Variants in UHRF2 observed in about 807,000 individuals in gnomAD.
UHRF2 encodes the protein ubiquitin like with PHD and ring finger domains 2.
In UHRF2, 23 loss-of-function variants were observed where a neutral mutation model predicts 96.8. The observed-to-expected ratio is 0.24, with a 90% CI of 0.17 to 0.34. UHRF2 has a LOEUF of 0.34. Ranked by LOEUF, UHRF2 falls within the 10% of genes least tolerant of loss-of-function variation. The probability of loss-of-function intolerance (pLI) is 1.00; values close to 1 mark genes in which losing one functional copy is unlikely to be tolerated. For missense variants in UHRF2, 685 were observed against 981.5 expected (o/e 0.70, Z 4.04); for synonymous variants, 385 against 332.6 (o/e 1.16, Z -1.72).
intron 9 of UHRF2, among the ~76,000 whole-genome samples, chr9:6,488,078 C>CA (rs970033501): frequency 3.3e-4 from 49 of 150,174 alleles, no homozygotes; most frequent in African/African-American, 9.8e-4. Context: ...CTGTCCCTAC[C>CA]AAAAAAACAG....
chr9:6,439,569 C>T (rs777081316), intron 3 of UHRF2, among the ~76,000 whole-genome samples: 10 of 152,204 alleles, frequency 6.6e-5, no homozygotes, highest in Admixed American at 3.9e-4. Flanking sequence ...ACATCATGTA[C>T]AAAGTAGATA....
rs552067988 is a variant in UHRF2, at chr9:6,428,098, G to A, written c.385-5816G>A. Among the ~76,000 whole-genome samples the A allele has an allele frequency of 5.9e-5, 9 of 152,308 alleles. No homozygotes were observed. The South Asian group carries it at 1.9e-3, about 32-fold the overall frequency. On this transcript the variant is annotated intron_variant, in intron 2 of 15. Coordinates refer to ENST00000276893, the MANE Select transcript of UHRF2 (RefSeq NM_152896.3). ...CCTTTACAGTTTAGCTGAGCATGTG[G>A]CACTGTTAAACTTCTTACATGTTTT...
intron 8 of UHRF2, among the ~76,000 whole-genome samples, chr9:6,485,576 T>C (rs956470726): frequency 6.9e-6 from 1 of 144,542 alleles, no homozygotes; most frequent in African/African-American, 2.9e-5. Flanking sequence ...CACCTTCTTG[T>C]TGGCTTCTAA....
chr9:6,490,588 A>T (rs1399284808), intron 9 of UHRF2, among the ~76,000 whole-genome samples: 2 of 152,258 alleles, frequency 1.3e-5, no homozygotes, highest in African/African-American at 4.8e-5. Flanking sequence ...AGATCACATC[A>T]CTGTACTCCA....
intron 3 of UHRF2, among the ~76,000 whole-genome samples, chr9:6,446,008 T>G (rs1323667283): frequency 2.4e-5 from 3 of 126,998 alleles, no homozygotes; most frequent in Non-Finnish European, 5.2e-5. Context: ...TTTCCTGTTT[T>G]TGAGATAGAG....
At chr9:6,415,859 A>G (rs1359982558) in intron 1 of UHRF2, among the ~76,000 whole-genome samples, 3 of 152,174 alleles carry the variant, frequency 2.0e-5, no homozygotes, top group African/African-American at 7.2e-5. Context: ...ATGAATGTTG[A>G]TAGATAGTCT....
chr9:6,422,064 G>T (rs1819961704), intron 2 of UHRF2, among the ~76,000 whole-genome samples: 2 of 152,042 alleles, frequency 1.3e-5, no homozygotes. Context: ...TGAACCTTCT[G>T]TTAACCTGGT....
intron 6 of UHRF2, among the ~76,000 whole-genome samples, chr9:6,480,803 C>G (rs748536233): frequency 6.6e-6 from 1 of 152,158 alleles, no homozygotes; most frequent in Non-Finnish European, 1.5e-5. Context: ...TGCTCAAGAT[C>G]AGGGACTGAA....
Position 6,447,703 on chromosome 9 carries a change from C to T in UHRF2, c.645-12870C>T, listed in dbSNP as rs561066072. Among the ~76,000 whole-genome samples, 53 of 152,126 alleles carry T rather than the reference C, an allele frequency of 3.5e-4. 1 individual carries two copies. In the East Asian group the frequency reaches 7.5e-3, roughly 22 times the overall value. ...GTAAAATAATAAATCCATAAACCCC[C>T]GAGGACAAAAAAAGGCACAGAAATC... On this transcript the variant is annotated intron_variant, in intron 3 of 15. Transcript: ENST00000276893.
chr9:6,437,535 AT>A (rs1820923893), intron 3 of UHRF2, among the ~76,000 whole-genome samples: 1 of 152,110 alleles, frequency 6.6e-6, no homozygotes, highest in Non-Finnish European at 1.5e-5. Flanking sequence ...ACCTGGCCAG[AT>A]TTTTTTATTG....
At chr9:6,485,803 CAAAAAAAAAAAAAA>C (rs57868028) in intron 8 of UHRF2, among the ~76,000 whole-genome samples, 1 of 59,224 alleles carries the variant, frequency 1.7e-5, no homozygotes, top group Non-Finnish European at 3.3e-5. Context: ...TGTCTCTACC[CAAAAAAAAAAAAAA>C]AAAAAAAAAA....
At chr9:6,446,402 C>G (rs964138625) in intron 3 of UHRF2, among the ~76,000 whole-genome samples, 6 of 151,920 alleles carry the variant, frequency 3.9e-5, no homozygotes, top group African/African-American at 1.5e-4. Flanking sequence ...CTCAGCCTCC[C>G]AAAGTGCTGG....
At chr9:6,441,469 G>T (rs1434211035) in intron 3 of UHRF2, among the ~76,000 whole-genome samples, 1 of 151,998 alleles carries the variant, frequency 6.6e-6, no homozygotes, top group East Asian at 1.9e-4. Context: ...ATCAGTCCTG[G>T]AGTTGGCTGA....
intron 9 of UHRF2, among the ~76,000 whole-genome samples, chr9:6,487,171 A>ATTTTTTATTTTTTATTTTTTATTTT (rs1824337943): frequency 2.4e-5 from 2 of 83,832 alleles, no homozygotes; most frequent in African/African-American, 9.5e-5. Flanking sequence ...TAGAGCTTTT[A>ATTTTTTATTTTTTATTTTTTATTTT]TTTTTTTTTC....
At position 6,499,920 on chromosome 9, in the gene UHRF2, C is replaced by A. The variant is rs1275662083; in HGVS notation, c.1994C>A (p.Pro665Gln). ...KKQPSGTTKRPISDDDCPSAS... is the reference protein window; with the variant it reads ...KKQPSGTTKRQISDDDCPSAS... ...CAGCCCAGTGGAACCACAAAAAGGC[C>A]AATTTCAGATGGTAGGTAATGATTG... is the stretch of plus-strand genomic sequence containing the variant. Residue 665 changes from proline to glutamine, a missense_variant, in exon 13 of 16, where the codon CCA becomes CAA. Pro to Gln is a moderately conservative substitution (Grantham distance 76). Transcript: ENST00000276893. 5 of 1,609,800 alleles carry A rather than the reference C, an allele frequency of 3.1e-6. No individual in the cohort carries two copies. Among genetic ancestry groups the A allele is most frequent in the Non-Finnish European group, 4.2e-6 (5 of 1,177,186 alleles).
chr9:6,506,309 A>C lies in UHRF2; in HGVS notation c.*130A>C, dbSNP rs545824934. The stretch of plus-strand genomic sequence containing the variant: ...TGAAGCAGCTAATCCTCTTTCCCAC[A>C]TAGCCATCATCTTGTGTGTGTAGTA... On this transcript the variant is annotated 3_prime_UTR_variant, in exon 16 of 16. Transcript: ENST00000276893. The C allele has an allele frequency of 9.8e-5, 117 of 1,197,604 alleles. No homozygotes were observed. Among genetic ancestry groups the C allele is most frequent in the Non-Finnish European group, 1.1e-4 (99 of 865,906 alleles). 74.2% of individuals were successfully genotyped at this position (1,197,604 alleles called of 1,614,324 possible).
chr9:6,424,908 A>G (rs1820157962), intron 2 of UHRF2, among the ~76,000 whole-genome samples: 1 of 152,000 alleles, frequency 6.6e-6, no homozygotes, highest in African/African-American at 2.4e-5. Context: ...GGAAGACCGC[A>G]GAGGTATTTT....
rs781717816 is a variant in UHRF2 at position 6,477,689 on chromosome 9, T to C, written c.1041T>C (p.Cys347=). The C allele has an allele frequency of 2.2e-5, 36 of 1,614,078 alleles. No homozygotes were observed. The highest frequency in any genetic ancestry group is 3.0e-5 in the Non-Finnish European group (35 of 1,180,022). The change falls in exon 6 of 16, where the codon TGT becomes TGC. Residue 347 remains cysteine, a synonymous_variant. Coordinates refer to ENST00000276893, the MANE Select transcript of UHRF2 (RefSeq NM_152896.3). The part of the protein sequence containing the change: ...DPEKKCHSCS[C]RVCGGKHEPN... ...AAAAGAAATGTCATTCTTGCTCCTG[T>C]CGTGTATGTGGTGGGAAACATGAAC...
chr9:6,421,605 CAG>C (rs1294481182), intron 2 of UHRF2, among the ~76,000 whole-genome samples: 1 of 152,022 alleles, frequency 6.6e-6, no homozygotes, highest in Non-Finnish European at 1.5e-5. Context: ...TTAGTAGAAA[CAG>C]GGTTTCACCA....
Sources: allele counts gnomAD v4.1 joint callset (sites outside exome capture counted in the v4.1 genomes callset), GRCh38; gene constraint gnomAD v4.1.1; transcripts MANE v1.5; gene names NCBI Gene and HGNC (gene_info 2026-07-23, HGNC 2026-07-21).